SCP2: variants seen among roughly 807,000 people sequenced by gnomAD.
The protein encoded by SCP2 is SCP-2/3-oxoacyl-CoA thiolase.
A neutral mutation model predicts 71.4 loss-of-function variants in SCP2; 48 were observed. The observed-to-expected ratio is 0.67, with a 90% CI of 0.53 to 0.86. The LOEUF (loss-of-function observed/expected upper bound fraction) is 0.86. SCP2 is among the 40% of genes least tolerant of loss of function. SCP2 has a pLI of 0.00. For synonymous variants in SCP2, 220 were observed against 218.1 expected, an observed-to-expected ratio of 1.01 and a Z score of -0.08; for missense variants, 560 against 655.6, an observed-to-expected ratio of 0.85 and a Z score of 1.59.
chr1:53,020,299 A>G (rs1480606025), intron 12 of SCP2, among the ~76,000 whole-genome samples: 1 of 152,206 alleles, frequency 6.6e-6, no homozygotes, highest in Non-Finnish European at 1.5e-5. Flanking sequence ...TACTGAAAAT[A>G]TGTACTTTAG....
chr1:52,961,756 T>G lies in SCP2; in HGVS notation c.523+127T>G, dbSNP rs573044214. On this transcript the variant is annotated intron_variant, in intron 6 of 15. Transcript: ENST00000371514. ...ATAAGATGTAAAATGTTTTTTGAAT[T>G]AAATCGAAGTAATAGTTCTTGTAGA... The G allele has an allele frequency of 1.7e-5, 14 of 816,514 alleles. No homozygotes were observed. The South Asian group carries it at 2.1e-4, about 12-fold the overall frequency. The allele number at this position is 816,514 out of a possible 1,614,324, so 50.6% of individuals were successfully genotyped here. A position where few individuals can be genotyped will look rare whatever the true frequency, so the allele number is the denominator to read the frequency against.
At chr1:52,977,683 G>A (rs1455689777) in intron 8 of SCP2, among the ~76,000 whole-genome samples, 1 of 152,196 alleles carries the variant, frequency 6.6e-6, no homozygotes. Flanking sequence ...TTTTGGGGCT[G>A]GGCGTGGTAG....
At chr1:53,009,396 C>A in intron 11 of SCP2, among the ~76,000 whole-genome samples, 1 of 152,176 alleles carries the variant, frequency 6.6e-6, no homozygotes, top group East Asian at 1.9e-4. Flanking sequence ...GCTACAGTAA[C>A]CAAAACAGCA....
chr1:52,943,058 T>C (rs1404017516), intron 2 of SCP2, among the ~76,000 whole-genome samples: 10 of 152,006 alleles, frequency 6.6e-5, no homozygotes, highest in Admixed American at 6.6e-4. Flanking sequence ...CGCATGAAAA[T>C]GGAAAAACTA....
intron 2 of SCP2, among the ~76,000 whole-genome samples, chr1:52,942,789 T>G (rs1430361437): frequency 6.8e-6 from 1 of 147,148 alleles, no homozygotes; most frequent in Non-Finnish European, 1.5e-5. Context: ...AACCTCGGAC[T>G]CCCAGGTTCA....
At chr1:52,955,830 A>T (rs1655743929) in intron 5 of SCP2, among the ~76,000 whole-genome samples, 1 of 152,206 alleles carries the variant, frequency 6.6e-6, no homozygotes, top group Non-Finnish European at 1.5e-5. Flanking sequence ...AAGAAGGAGC[A>T]GTAAAAACTA....
chr1:52,985,678 A>G (rs1047489524), intron 10 of SCP2, among the ~76,000 whole-genome samples: 1 of 152,034 alleles, frequency 6.6e-6, no homozygotes, highest in Non-Finnish European at 1.5e-5. Context: ...CCCCACTCCC[A>G]TCTCTGACTT....
intron 11 of SCP2, among the ~76,000 whole-genome samples, chr1:53,012,547 C>T (rs560058812): frequency 6.6e-6 from 1 of 152,340 alleles, no homozygotes; most frequent in South Asian, 2.1e-4. Context: ...CGTAACCATT[C>T]CCCAGTTACT....
chr1:53,015,894 C>A (rs1661304503), intron 12 of SCP2, among the ~76,000 whole-genome samples: 1 of 152,156 alleles, frequency 6.6e-6, no homozygotes, highest in Admixed American at 6.5e-5. Context: ...ATAACTTTGT[C>A]TTTATTTTCC....
At chr1:53,007,244 C>G (rs1660697466) in intron 11 of SCP2, among the ~76,000 whole-genome samples, 1 of 152,110 alleles carries the variant, frequency 6.6e-6, no homozygotes, top group South Asian at 2.1e-4. Flanking sequence ...CAAGGATATC[C>G]AGGACTTGAA....
chr1:52,932,246 A>T (rs981858859), intron 1 of SCP2, among the ~76,000 whole-genome samples: 4 of 152,190 alleles, frequency 2.6e-5, no homozygotes, highest in African/African-American at 4.8e-5. Flanking sequence ...AGCTCATATC[A>T]AGGCACATTA....
chr1:52,988,439 A>G (rs1334668896), intron 11 of SCP2, among the ~76,000 whole-genome samples: 4 of 152,212 alleles, frequency 2.6e-5, no homozygotes, highest in Non-Finnish European at 5.9e-5. Flanking sequence ...GTAGTTGTAT[A>G]CATGGTTGAC....
chr1:52,991,082 A>G (rs1659454977), intron 11 of SCP2, among the ~76,000 whole-genome samples: 1 of 152,226 alleles, frequency 6.6e-6, no homozygotes, highest in Non-Finnish European at 1.5e-5. Flanking sequence ...TACCTGAATT[A>G]TAGGTACGTG....
intron 13 of SCP2, among the ~76,000 whole-genome samples, chr1:53,033,875 T>C (rs1239912111): frequency 6.6e-6 from 1 of 152,152 alleles, no homozygotes; most frequent in Non-Finnish European, 1.5e-5. Context: ...AGCAGTATTA[T>C]TCATAATAGG....
intron 6 of SCP2, among the ~76,000 whole-genome samples, chr1:52,969,681 C>T (rs1657281930): frequency 1.3e-5 from 2 of 151,476 alleles, no homozygotes; most frequent in Non-Finnish European, 2.9e-5. Flanking sequence ...ATTAGCCGGG[C>T]GTGGTCGCGT....
chr1:52,978,915 A>T (rs575139737), intron 9 of SCP2, among the ~76,000 whole-genome samples: 53 of 152,326 alleles, frequency 3.5e-4, no homozygotes, highest in African/African-American at 1.3e-3. Flanking sequence ...AAAATTCTGA[A>T]TAAAGATTGA....
chr1:52,991,066 G>A (rs1659453050), intron 11 of SCP2, among the ~76,000 whole-genome samples: 1 of 152,182 alleles, frequency 6.6e-6, no homozygotes, highest in South Asian at 2.1e-4. Flanking sequence ...ATATATGTAA[G>A]GGATGTACCT....
chr1:52,982,527 AC>A (rs1247629056), intron 10 of SCP2, among the ~76,000 whole-genome samples: 1 of 152,070 alleles, frequency 6.6e-6, no homozygotes, highest in Non-Finnish European at 1.5e-5. Flanking sequence ...CTGATATCAT[AC>A]CACTGCACTC....
At position 52,994,769 on chromosome 1, in the gene SCP2, G is replaced by A. The variant is rs541188974; in HGVS notation, c.1081+6633G>A. On this transcript the variant is annotated intron_variant, in intron 11 of 15. Coordinates refer to ENST00000371514, the MANE Select transcript of SCP2 (RefSeq NM_002979.5). ...ATCCAGGCCTGTCAGTGTGGCAACC[G>A]GATGGGTGCCAAGTGCTGGGATGTG... The A allele has an allele frequency of 6.4e-5, 39 of 605,314 alleles. 1 individual carries two copies. The East Asian group carries it at 1.3e-3, about 20-fold the overall frequency. The allele number at this position is 605,314 out of a possible 1,614,324, so 37.5% of individuals were successfully genotyped here.
Sources: gnomAD v4.1 joint callset for allele counts (sites outside exome capture counted in the v4.1 genomes callset) on GRCh38, gnomAD v4.1.1 for gene constraint, MANE v1.5 for transcripts, NCBI Gene and HGNC (gene_info 2026-07-23, HGNC 2026-07-21) for gene names.